Variants in ATP6V0A4 observed in about 807,000 individuals in gnomAD.
ATP6V0A4 encodes V-type proton ATPase 116 kDa subunit a 4.
Under a neutral mutation model 107.3 loss-of-function variants are expected in ATP6V0A4, and 86 were observed. That is an observed-to-expected ratio of 0.80 (90% CI 0.67 to 0.96). The LOEUF (loss-of-function observed/expected upper bound fraction) is 0.96, where lower values mean the gene tolerates loss of function less well. ATP6V0A4 is among the 40% of genes least tolerant of loss of function. ATP6V0A4 has a pLI of 0.00. For missense variants in ATP6V0A4, 908 were observed against 1,045.6 expected (o/e 0.87, Z 1.81); for synonymous variants, 353 against 381.4 (o/e 0.93, Z 0.87).
At chr7:138,762,584 A>G in intron 6 of ATP6V0A4, 150 bp from the exon 7 acceptor site, 1 of 1,406,042 alleles carries the variant, frequency 7.1e-7, no homozygotes, top group Non-Finnish European at 9.5e-7. Context: ...TCCTGGCCAG[A>G]TCAAAAAGCT....
chr7:138,733,677 A>G (rs1805152952), intron 16 of ATP6V0A4, among the ~76,000 whole-genome samples: 1 of 143,280 alleles, frequency 7.0e-6, no homozygotes, highest in Admixed American at 7.6e-5. Context: ...CTCCAGGTCC[A>G]AGGGATTCCC....
At chr7:138,721,826 C>A in intron 19 of ATP6V0A4, 71 bp downstream of exon 19, 1 of 1,584,684 alleles carries the variant, frequency 6.3e-7, no homozygotes, top group Non-Finnish European at 8.7e-7. Context: ...CCACCCAGCT[C>A]TACTGCCTAT....
At chr7:138,732,833 A>G (rs1364869681) in intron 17 of ATP6V0A4, 44 bp downstream of exon 17, 1 of 1,469,284 alleles carries the variant, frequency 6.8e-7, no homozygotes, top group African/African-American at 1.5e-5. Flanking sequence ...TGACATAATC[A>G]AGTAAATAAA....
intron 1 of ATP6V0A4, 52 bp downstream of exon 1, chr7:138,797,982 T>G: frequency 6.5e-7 from 1 of 1,545,146 alleles, no homozygotes; most frequent in Non-Finnish European, 8.7e-7. Flanking sequence ...CCAGCATAAG[T>G]TCACCTCTGG....
chr7:138,741,861 T>C (rs1805650180), intron 14 of ATP6V0A4, among the ~76,000 whole-genome samples: 1 of 152,212 alleles, frequency 6.6e-6, no homozygotes, highest in South Asian at 2.1e-4. Flanking sequence ...CACTGTGTAC[T>C]TCAGCTGTCG....
chr7:138,728,215 A>G (rs952609311), intron 18 of ATP6V0A4, among the ~76,000 whole-genome samples: 1 of 147,038 alleles, frequency 6.8e-6, no homozygotes, highest in African/African-American at 2.5e-5. Flanking sequence ...TGTCAGACAT[A>G]AGGTTTATTT....
At chr7:138,709,526 G>A (rs1004004938) in intron 21 of ATP6V0A4, 98 bp downstream of exon 21, 3 of 1,178,744 alleles carry the variant, frequency 2.5e-6, no homozygotes, top group South Asian at 2.5e-5. Context: ...AGCTGCTAAA[G>A]TCACATACAG....
chr7:138,787,082 C>A (rs965250711), intron 1 of ATP6V0A4, among the ~76,000 whole-genome samples: 8 of 152,136 alleles, frequency 5.3e-5, no homozygotes, highest in African/African-American at 1.9e-4. Flanking sequence ...GGAGCAGATG[C>A]AATTTGCTCA....
rs114711672 is a variant in ATP6V0A4, at chr7:138,743,817, C to T, written c.1478+1306G>A. On this transcript the variant is annotated intron_variant, in intron 14 of 21. Transcript: ENST00000310018. The stretch of plus-strand genomic sequence containing the variant: ...GATATGTAGGTTTTACAAATTAGCC[C>T]TCACGCTACTGTGGGAATCTCAGGT... 5.9e-3 allele frequency among the ~76,000 whole-genome samples: 892 copies of T among 152,282 alleles called. 9 individuals carry two copies. Among genetic ancestry groups the T allele is most frequent in the African/African-American group, 0.021 (858 of 41,548 alleles).
In ATP6V0A4 at chr7:138,728,760, C is replaced by T; in HGVS notation, c.2010+1G>A. 6.2e-7 allele frequency: 1 copy of T among 1,614,172 alleles called. No individual in the cohort carries two copies. Among genetic ancestry groups the T allele is most frequent in the Non-Finnish European group, 8.5e-7 (1 of 1,180,028 alleles). ...GGTGAACTGAAACAAACAGCCCTTA[C>T]CTGGGATTTCCGATGACTGGCTCTA... On this transcript the variant is annotated splice_donor_variant, in intron 18 of 21. Transcript: ENST00000310018. LOFTEE classifies it high-confidence loss of function.
At chr7:138,761,125 T>G (rs1421813217) in intron 7 of ATP6V0A4, among the ~76,000 whole-genome samples, 6 of 152,154 alleles carry the variant, frequency 3.9e-5, no homozygotes, top group African/African-American at 1.4e-4. Flanking sequence ...CATTTCTAAT[T>G]ACATTTAAAA....
At chr7:138,774,666 A>ATATACATTATATACATTATATAT (rs1807572384) in intron 2 of ATP6V0A4, among the ~76,000 whole-genome samples, 1 of 146,876 alleles carries the variant, frequency 6.8e-6, no homozygotes, top group African/African-American at 2.5e-5. Context: ...ATTATATATT[A>ATATACATTATATACATTATATAT]TATACATTAT....
At position 138,771,221 on chromosome 7, in the gene ATP6V0A4, C is replaced by G. The variant is rs1178453845; in HGVS notation, c.27G>C (p.Glu9Asp). 6.2e-7 allele frequency: 1 copy of G among 1,613,904 alleles called. No homozygotes were observed. The highest frequency in any genetic ancestry group is 1.7e-5 in the Admixed American group (1 of 60,004). ...GGAGAAACAGTTGTGACAAACACAT[C>G]TCCTCGCTTCGAAACACAGACACCA... is the stretch of plus-strand genomic sequence containing the variant. MVSVFRSE[E>D]MCLSQLFLQV... The change falls in exon 3 of 22, where the codon GAG (glutamate) becomes GAC (aspartate). Residue 9 changes from glutamate to aspartate, a missense_variant. Physicochemically the swap from Glu to Asp is conservative, Grantham distance 45. Coordinates refer to ENST00000310018, the MANE Select transcript of ATP6V0A4 (RefSeq NM_020632.3).
intron 8 of ATP6V0A4, among the ~76,000 whole-genome samples, chr7:138,758,680 TC>T: frequency 6.7e-6 from 1 of 149,882 alleles, no homozygotes; most frequent in African/African-American, 2.4e-5. Flanking sequence ...TCATCAGCAT[TC>T]TCTGGGAGTT....
chr7:138,751,653 G>A (rs1030731235), intron 11 of ATP6V0A4, among the ~76,000 whole-genome samples: 6 of 151,884 alleles, frequency 4.0e-5, no homozygotes, highest in African/African-American at 1.2e-4. Flanking sequence ...CCCTAGATCC[G>A]TTCCTAGTAC....
intron 13 of ATP6V0A4, 119 bp from the exon 14 acceptor site, chr7:138,745,399 T>TG: frequency 6.9e-7 from 1 of 1,446,362 alleles, no homozygotes; most frequent in Non-Finnish European, 9.6e-7. Flanking sequence ...GGGAGCCACA[T>TG]GACCACAGCA....
intron 16 of ATP6V0A4, 132 bp from the exon 17 acceptor site, chr7:138,733,225 AC>A: frequency 5.6e-6 from 8 of 1,422,616 alleles, no homozygotes; most frequent in Middle Eastern, 2.0e-4. Context: ...AAACAACGGC[AC>A]CCCCCACCCC....
intron 21 of ATP6V0A4, 60 bp downstream of exon 21, chr7:138,709,564 C>A: frequency 6.5e-7 from 1 of 1,544,460 alleles, no homozygotes; most frequent in East Asian, 2.3e-5. Flanking sequence ...GTCGGCTGGC[C>A]CCACAGCCCA....
intron 2 of ATP6V0A4, among the ~76,000 whole-genome samples, chr7:138,784,289 T>TATATACACACATATATAC (rs1554402651): frequency 2.1e-4 from 9 of 43,802 alleles, no homozygotes; most frequent in African/African-American, 5.9e-4. Context: ...TACATATATA[T>TATATACACACATATATAC]ACACACACAC....
Sources: gnomAD v4.1 joint callset for allele counts (sites outside exome capture counted in the v4.1 genomes callset) on GRCh38, gnomAD v4.1.1 for gene constraint, MANE v1.5 for transcripts, NCBI Gene and HGNC (gene_info 2026-07-23, HGNC 2026-07-21) for gene names.